Variants in ZC2HC1A observed in about 807,000 individuals in gnomAD.
ZC2HC1A encodes zinc finger C2HC-type containing 1A.
ZC2HC1A carries 28 observed loss-of-function variants against 40.7 expected under a neutral mutation model. The ratio of observed to expected loss-of-function variants is 0.69; its 90% CI spans 0.51 to 0.94. The LOEUF (loss-of-function observed/expected upper bound fraction) is 0.94, where lower values mean the gene tolerates loss of function less well. Ranked by LOEUF, ZC2HC1A falls within the 40% of genes least tolerant of loss-of-function variation. The pLI, the probability that ZC2HC1A is intolerant of heterozygous loss-of-function variation, is 0.00. For missense variants in ZC2HC1A, 389 were observed against 386.3 expected (o/e 1.01, Z -0.06); for synonymous variants, 129 against 129.2 (o/e 1.00, Z 0.01).
chr8:78,683,515 G>T (rs969553889), intron 3 of ZC2HC1A, among the ~76,000 whole-genome samples: 1 of 152,150 alleles, frequency 6.6e-6, no homozygotes, highest in Non-Finnish European at 1.5e-5. Context: ...CAGCTGGGAC[G>T]CAGGGCACCA....
intron 1 of ZC2HC1A, among the ~76,000 whole-genome samples, chr8:78,669,193 A>G (rs1275888446): frequency 6.6e-6 from 1 of 152,176 alleles, no homozygotes; most frequent in Non-Finnish European, 1.5e-5. Context: ...TGGATGCCAG[A>G]TATTTTAATA....
At chr8:78,715,470 C>T (rs1394644144) in intron 8 of ZC2HC1A, 142 bp downstream of exon 8, 11 of 688,764 alleles carry the variant, frequency 1.6e-5, no homozygotes, top group African/African-American at 3.7e-5. Context: ...AAGTTGTACA[C>T]CTCTAATGGA....
In ZC2HC1A at chr8:78,687,568, T is replaced by G. The variant is rs1290017521; in HGVS notation, c.352+960T>G. Reference sequence around the variant, plus strand: ...ATAAATTTTATATTTACATAATAAATTATATATATTTACGTAATAAATTAT... The same window carrying G: ...ATAAATTTTATATTTACATAATAAAGTATATATATTTACGTAATAAATTAT... On this transcript the variant is annotated intron_variant, in intron 4 of 8. Coordinates refer to ENST00000263849, the MANE Select transcript of ZC2HC1A (RefSeq NM_016010.3). 2.8e-5 allele frequency among the ~76,000 whole-genome samples: 4 copies of G among 142,524 alleles called. No individual in the cohort carries two copies. The Admixed American group carries it at 2.9e-4, about 10-fold the overall frequency. The allele number at this position is 142,524 out of a possible 152,430, so 93.5% of individuals were successfully genotyped here. A position where few individuals can be genotyped will look rare whatever the true frequency, so the allele number is the denominator to read the frequency against.
In ZC2HC1A at chr8:78,686,588, C is replaced by CTCCTCA; in HGVS notation, c.335_336insTCATCC (p.Pro112_Pro113insHisPro). On this transcript the variant is annotated inframe_insertion, in exon 4 of 9. Coordinates refer to ENST00000263849, the MANE Select transcript of ZC2HC1A (RefSeq NM_016010.3). ...GAGGGTGGCAAACTTCCTCCTCCTC[C>CTCCTCA]TCCACCTTCTTATGATCCTGGTATT... 1 of 1,526,358 alleles carries CTCCTCA rather than the reference C, an allele frequency of 6.6e-7. No homozygotes were observed. The highest frequency in any genetic ancestry group is 8.8e-7 in the Non-Finnish European group (1 of 1,137,254). 94.6% of individuals were successfully genotyped at this position (1,526,358 alleles called of 1,614,324 possible).
chr8:78,682,696 T>G (rs1048038587), intron 3 of ZC2HC1A, among the ~76,000 whole-genome samples: 4 of 152,128 alleles, frequency 2.6e-5, no homozygotes, highest in Admixed American at 2.0e-4. Context: ...TGCCCTCACA[T>G]TTCAAAACCA....
At chr8:78,681,284 A>G (rs1004263180) in intron 3 of ZC2HC1A, among the ~76,000 whole-genome samples, 10 of 152,206 alleles carry the variant, frequency 6.6e-5, no homozygotes, top group Non-Finnish European at 1.2e-4. Flanking sequence ...AATGAATAAT[A>G]GAAGCGATGA....
intron 1 of ZC2HC1A, among the ~76,000 whole-genome samples, chr8:78,667,430 G>A (rs1385979030): frequency 4.0e-5 from 6 of 151,882 alleles, no homozygotes; most frequent in African/African-American, 1.2e-4. Context: ...GTATCTTGGT[G>A]GGATTAAAGC....
chr8:78,684,647 C>T (rs7838791), intron 3 of ZC2HC1A, among the ~76,000 whole-genome samples: 146,871 of 152,260 alleles, frequency 0.96, 70,877 homozygotes, highest in East Asian at 0.99. Flanking sequence ...CTACAAACAA[C>T]AGGAGTAAAG....
At position 78,719,068 on chromosome 8, in the gene ZC2HC1A, T is replaced by C. The variant is rs1256445509; in HGVS notation, c.*1575T>C. 3 of 151,910 alleles carry C rather than the reference T, an allele frequency of 2.0e-5. No homozygotes were observed. Among genetic ancestry groups the C allele is most frequent in the South Asian group, 2.1e-4 (1 of 4,832 alleles). 9.4% of individuals were successfully genotyped at this position (151,910 alleles called of 1,614,324 possible). ...CCTCAGTTATCTTTATTCAGTCTTA[T>C]TGGTCAAAACAAAGAAACAAATAGT... On this transcript the variant is annotated 3_prime_UTR_variant, in exon 9 of 9. Transcript: ENST00000263849.
chr8:78,709,321 C>T (rs1810882062), intron 7 of ZC2HC1A, among the ~76,000 whole-genome samples: 1 of 152,100 alleles, frequency 6.6e-6, no homozygotes, highest in African/African-American at 2.4e-5. Context: ...TTTTTGAGTA[C>T]ATTTTTATAT....
intron 7 of ZC2HC1A, among the ~76,000 whole-genome samples, chr8:78,708,158 T>G (rs1810837778): frequency 6.6e-6 from 1 of 152,212 alleles, no homozygotes; most frequent in Admixed American, 6.5e-5. Context: ...AAGGTTGAAT[T>G]AAGACATTTG....
At position 78,678,924 on chromosome 8, in the gene ZC2HC1A, A is replaced by T. The variant is rs540262732; in HGVS notation, c.210+245A>T. On this transcript the variant is annotated intron_variant, in intron 3 of 8. Transcript: ENST00000263849. Reference sequence around the variant, plus strand: ...AGACCAAGGTGCTGTTTCAAACTCCATCAATTACAGTGAGATTTTTATAGC... The same window carrying T: ...AGACCAAGGTGCTGTTTCAAACTCCTTCAATTACAGTGAGATTTTTATAGC... 2.0e-5 allele frequency: 5 copies of T among 244,430 alleles called. No individual in the cohort carries two copies. The South Asian group carries it at 8.5e-4, about 41-fold the overall frequency. The allele number at this position is 244,430 out of a possible 1,614,324, so 15.1% of individuals were successfully genotyped here. A position where few individuals can be genotyped will look rare whatever the true frequency, so the allele number is the denominator to read the frequency against.
chr8:78,699,713 T>C (rs1810539438), intron 7 of ZC2HC1A, among the ~76,000 whole-genome samples: 1 of 152,306 alleles, frequency 6.6e-6, no homozygotes, highest in African/African-American at 2.4e-5. Flanking sequence ...AGTGAGAACA[T>C]GCAGTATTTG....
intron 7 of ZC2HC1A, among the ~76,000 whole-genome samples, chr8:78,708,736 A>G (rs534045673): frequency 3.4e-5 from 5 of 146,400 alleles, no homozygotes; most frequent in Middle Eastern, 3.5e-3. Context: ...GCTGGAGTGC[A>G]ATGGTGCGAT....
intron 7 of ZC2HC1A, among the ~76,000 whole-genome samples, chr8:78,706,072 G>A (rs1003905985): frequency 2.0e-5 from 3 of 152,140 alleles, no homozygotes; most frequent in African/African-American, 7.2e-5. Flanking sequence ...AATCCTCTCT[G>A]CCTCTGGTTG....
chr8:78,686,585 C>G lies in ZC2HC1A; in HGVS notation c.329C>G (p.Pro110Arg). 1 of 1,527,964 alleles carries G rather than the reference C, an allele frequency of 6.5e-7. No individual in the cohort carries two copies. Among genetic ancestry groups the G allele is most frequent in the Non-Finnish European group, 8.8e-7 (1 of 1,137,988 alleles). 94.7% of individuals were successfully genotyped at this position (1,527,964 alleles called of 1,614,324 possible). A position where few individuals can be genotyped will look rare whatever the true frequency, so the allele number is the denominator to read the frequency against. ...ALKEGGKLPP[P>R]PPPSYDPDYI... is the part of the protein sequence containing the mutation. ...AAAGAGGGTGGCAAACTTCCTCCTC[C>G]TCCTCCACCTTCTTATGATCCTGGT... The change falls in exon 4 of 9, where the codon CCT (proline) becomes CGT (arginine). Residue 110 changes from proline to arginine, a missense_variant. Transcript: ENST00000263849.
intron 3 of ZC2HC1A, among the ~76,000 whole-genome samples, chr8:78,686,242 A>G (rs1336287693): frequency 6.6e-6 from 1 of 152,220 alleles, no homozygotes; most frequent in Non-Finnish European, 1.5e-5. Context: ...AAGGCAGTTT[A>G]GTAGTGTCTT....
At chr8:78,687,002 T>C (rs1013491497) in intron 4 of ZC2HC1A, among the ~76,000 whole-genome samples, 16 of 151,992 alleles carry the variant, frequency 1.1e-4, no homozygotes, top group Non-Finnish European at 2.4e-4. Flanking sequence ...GAGATTGATA[T>C]AAAAAAAATC....
chr8:78,678,246 T>C (rs1046220548), intron 2 of ZC2HC1A, among the ~76,000 whole-genome samples: 13 of 152,154 alleles, frequency 8.5e-5, no homozygotes, highest in African/African-American at 3.1e-4. Flanking sequence ...CTGTTTAAGA[T>C]GGAGTTGTTC....
Sources: gnomAD v4.1 joint callset for allele counts (sites outside exome capture counted in the v4.1 genomes callset) on GRCh38, gnomAD v4.1.1 for gene constraint, MANE v1.5 for transcripts, NCBI Gene and HGNC (gene_info 2026-07-23, HGNC 2026-07-21) for gene names.